Variants in TET2 observed in about 807,000 individuals in gnomAD.
TET2 encodes methylcytosine dioxygenase TET2.
Under a neutral mutation model 142.9 loss-of-function variants are expected in TET2, and 299 were observed. That is an observed-to-expected ratio of 2.09 (90% CI 1.90 to 2.30). The LOEUF (loss-of-function observed/expected upper bound fraction) is 2.30. Ranked by LOEUF, TET2 falls within the 30% of genes most tolerant of loss-of-function variation. The pLI is 0.00. For synonymous variants in TET2, 819 were observed against 849.0 expected (o/e 0.96, Z 0.61); for missense variants, 2,418 against 2,378.0 (o/e 1.02, Z -0.35).
At position 105,234,203 on chromosome 4, in the gene TET2, G is replaced by A; in HGVS notation, c.261G>A (p.Lys87=). Residue 87 remains lysine (K), a synonymous_variant, in exon 3 of 11, where the codon AAG becomes AAA. Coordinates refer to ENST00000380013, the MANE Select transcript of TET2 (RefSeq NM_001127208.3). The part of the protein sequence containing the change: ...DFTQESRGYS[K]CLQNGGIKRT... ...CACAAGAAAGTAGAGGGTATTCCAA[G>A]TGTTTGCAAAATGGAGGAATAAAAC... 6.2e-7 allele frequency: 1 copy of A among 1,614,148 alleles called. No homozygotes were observed. Among genetic ancestry groups the A allele is most frequent in the Non-Finnish European group, 8.5e-7 (1 of 1,180,018 alleles).
intron 1 of TET2, among the ~76,000 whole-genome samples, chr4:105,164,735 G>C (rs1724064368): frequency 6.6e-6 from 1 of 152,226 alleles, no homozygotes; most frequent in Admixed American, 6.5e-5. Context: ...ATAGGCGCCA[G>C]AGTTGGCATA....
intron 2 of TET2, among the ~76,000 whole-genome samples, chr4:105,223,941 T>A (rs1339298069): frequency 1.3e-5 from 2 of 152,048 alleles, no homozygotes; most frequent in Admixed American, 1.3e-4. Flanking sequence ...TCTGAATGTA[T>A]AAATAAACAG....
intron 2 of TET2, among the ~76,000 whole-genome samples, chr4:105,224,483 A>G (rs1728051612): frequency 6.6e-6 from 1 of 152,176 alleles, no homozygotes; most frequent in African/African-American, 2.4e-5. Flanking sequence ...ACTAGAATTT[A>G]TAATAAATTA....
chr4:105,240,446 A>G, intron 3 of TET2: 1 of 1,074,738 alleles, frequency 9.3e-7, no homozygotes, highest in African/African-American at 1.6e-5. Context: ...AATTATAGCT[A>G]TGCAGCATAG....
In TET2 at chr4:105,243,577, G is replaced by C. The variant is rs902035179; in HGVS notation, c.3602G>C (p.Arg1201Pro). ...QGCPIAKWVV[R>P]RSSSEEKLLC... is the part of the protein sequence containing the mutation. The stretch of plus-strand genomic sequence containing the variant: ...GAATGGTGATCCACGCAGGTGGTTC[G>C]CAGAAGCAGCAGTGAAGAGAAGCTA... Residue 1201 changes from arginine to proline, a missense_variant, in exon 6 of 11, where the codon CGC becomes CCC. Physicochemically the swap from Arg to Pro is moderately radical, Grantham distance 103. Coordinates refer to ENST00000380013, the MANE Select transcript of TET2 (RefSeq NM_001127208.3). 6.4e-7 allele frequency: 1 copy of C among 1,551,500 alleles called. No homozygotes were observed. Among genetic ancestry groups the C allele is most frequent in the Non-Finnish European group, 8.7e-7 (1 of 1,146,904 alleles).
At chr4:105,160,535 A>G (rs1254225313) in intron 1 of TET2, among the ~76,000 whole-genome samples, 3 of 152,318 alleles carry the variant, frequency 2.0e-5, no homozygotes, top group Non-Finnish European at 4.4e-5. Context: ...CTTGCCTAAC[A>G]AAGAATTGTA....
rs532675466 is a variant in TET2 at position 105,225,978 on chromosome 4, A to G, written c.-46-7919A>G. On this transcript the variant is annotated intron_variant, in intron 2 of 10. Coordinates refer to ENST00000380013, the MANE Select transcript of TET2 (RefSeq NM_001127208.3). ...AAGTTTACGTTTTCTTTTTTATTCT[A>G]TCCCAAACCACATAAAGAAATGATT... Among the ~76,000 whole-genome samples the G allele has an allele frequency of 6.2e-4, 94 of 152,286 alleles. 1 individual carries two copies. The South Asian group carries it at 0.019, about 30-fold the overall frequency.
intron 6 of TET2, among the ~76,000 whole-genome samples, chr4:105,254,055 A>G (rs1730003560): frequency 6.6e-6 from 1 of 152,186 alleles, no homozygotes; most frequent in African/African-American, 2.4e-5. Flanking sequence ...GAATGCATTC[A>G]TGGTCATGGT....
At chr4:105,206,899 A>G (rs1172595451) in intron 2 of TET2, among the ~76,000 whole-genome samples, 3 of 152,212 alleles carry the variant, frequency 2.0e-5, no homozygotes, top group African/African-American at 7.2e-5. Context: ...GAAATTTAAA[A>G]TAGCAAGCAG....
chr4:105,189,046 C>A (rs1163370900), intron 1 of TET2, among the ~76,000 whole-genome samples: 3 of 151,918 alleles, frequency 2.0e-5, no homozygotes, highest in African/African-American at 4.8e-5. Flanking sequence ...CTCAAAACAC[C>A]CCTTAAATTT....
chr4:105,236,915 C>T lies in TET2; in HGVS notation c.2973C>T (p.Ala991=), dbSNP rs141382396. The part of the protein sequence containing the change: ...IKVEPGCKPH[A]CMHTAPPENK... Reference sequence around the variant, plus strand: ...TGGAACCTGGATGCAAGCCACATGCCTGTATGCACACAGCACCACCAGAAA... The same window carrying T: ...TGGAACCTGGATGCAAGCCACATGCTTGTATGCACACAGCACCACCAGAAA... Residue 991 remains alanine (A), a synonymous_variant, in exon 3 of 11, where the codon GCC becomes GCT. Transcript: ENST00000380013. 5.0e-6 allele frequency: 8 copies of T among 1,613,968 alleles called. No individual in the cohort carries two copies. Among genetic ancestry groups the T allele is most frequent in the South Asian group, 2.2e-5 (2 of 91,086 alleles).
chr4:105,206,611 A>T (rs1656857420), intron 2 of TET2, among the ~76,000 whole-genome samples: 1 of 152,180 alleles, frequency 6.6e-6, no homozygotes, highest in Non-Finnish European at 1.5e-5. Flanking sequence ...TTGGGCTCTT[A>T]GTGATGACTT....
intron 1 of TET2, among the ~76,000 whole-genome samples, chr4:105,186,394 T>C (rs1725447437): frequency 6.7e-6 from 1 of 150,344 alleles, no homozygotes; most frequent in Non-Finnish European, 1.5e-5. Flanking sequence ...TTTTATCTTC[T>C]AAGTGATTTT....
At chr4:105,161,442 T>C (rs1476744132) in intron 1 of TET2, among the ~76,000 whole-genome samples, 1 of 152,232 alleles carries the variant, frequency 6.6e-6, no homozygotes, top group African/African-American at 2.4e-5. Context: ...CTATAAATGA[T>C]GTATTTCTCT....
intron 6 of TET2, among the ~76,000 whole-genome samples, chr4:105,258,583 A>G (rs907888292): frequency 2.0e-5 from 3 of 152,142 alleles, no homozygotes; most frequent in Non-Finnish European, 4.4e-5. Context: ...ATTTTTTAGA[A>G]AGAAAATCTG....
rs1219207164 is a variant in TET2, at chr4:105,275,759, A to G, written c.5249A>G (p.Asp1750Gly). The G allele has an allele frequency of 6.4e-7, 1 of 1,551,732 alleles. No individual in the cohort carries two copies. Among genetic ancestry groups the G allele is most frequent in the South Asian group, 1.2e-5 (1 of 84,060 alleles). ...CCCAATCTGAGCAATCCAAACATGG[A>G]CTATAAAAATGGTGAACATCATTCA... ...LPPNLSNPNM[D>G]YKNGEHHSPS... is the part of the protein sequence containing the mutation. The change falls in exon 11 of 11, where the codon GAC becomes GGC. Residue 1750 changes from aspartate (D) to glycine (G), a missense_variant. Coordinates refer to ENST00000380013, the MANE Select transcript of TET2 (RefSeq NM_001127208.3).
Position 105,261,902 on chromosome 4 carries a change from A to T in TET2, c.4044+54A>T, listed in dbSNP as rs1031456974. ...TGTAACAACTTACTTGTTACTAATG[A>T]CCTATGTCCAAAAATATTTTTGAAA... On this transcript the variant is annotated intron_variant, in intron 8 of 10. Transcript: ENST00000380013. 7.0e-6 allele frequency: 7 copies of T among 1,002,700 alleles called. No individual in the cohort carries two copies. In the East Asian group the frequency reaches 8.0e-5, roughly 11 times the overall value. 62.1% of individuals were successfully genotyped at this position (1,002,700 alleles called of 1,614,324 possible).
chr4:105,198,699 C>G (rs532967053), intron 2 of TET2, among the ~76,000 whole-genome samples: 1 of 152,044 alleles, frequency 6.6e-6, no homozygotes, highest in African/African-American at 2.4e-5. Flanking sequence ...ATGAACATTC[C>G]CTTTCCATAC....
intron 1 of TET2, among the ~76,000 whole-genome samples, chr4:105,149,397 T>G (rs1578521822): frequency 6.6e-6 from 1 of 152,368 alleles, no homozygotes; most frequent in South Asian, 2.1e-4. Flanking sequence ...TAATTAATAC[T>G]GTATAAAGTA....
Sources: gnomAD v4.1 joint callset for allele counts (sites outside exome capture counted in the v4.1 genomes callset) on GRCh38, gnomAD v4.1.1 for gene constraint, MANE v1.5 for transcripts, NCBI Gene and HGNC (gene_info 2026-07-23, HGNC 2026-07-21) for gene names.